The following WHRN variants were observed in gnomAD, a reference collection of about 807,000 sequenced individuals.
WHRN encodes the protein CASK-interacting protein CIP98.
In WHRN, 41 loss-of-function variants were observed where a neutral mutation model predicts 68.3. That is an observed-to-expected ratio of 0.60 (90% CI 0.47 to 0.78). The LOEUF (loss-of-function observed/expected upper bound fraction) is 0.78. Ranked by LOEUF, WHRN falls within the 30% of genes least tolerant of loss-of-function variation. The probability of loss-of-function intolerance (pLI) is 0.00; values close to 1 mark genes in which losing one functional copy is unlikely to be tolerated. For missense variants in WHRN, 1,243 were observed against 1,244.7 expected, an observed-to-expected ratio of 1.00 and a Z score of 0.02; for synonymous variants, 560 against 561.3, an observed-to-expected ratio of 1.00 and a Z score of 0.03.
chr9:114,415,503 A>G (rs1197771144), intron 7 of WHRN, among the ~76,000 whole-genome samples: 1 of 151,892 alleles, frequency 6.6e-6, no homozygotes, highest in Non-Finnish European at 1.5e-5. Flanking sequence ...CAGCTGTCTC[A>G]CCTCATCTAT....
At chr9:114,442,210 G>A (rs555069566) in intron 3 of WHRN, among the ~76,000 whole-genome samples, 1 of 152,326 alleles carries the variant, frequency 6.6e-6, no homozygotes, top group African/African-American at 2.4e-5. Flanking sequence ...TCCTGGGTTG[G>A]CTCCTGGACT....
In WHRN at chr9:114,457,809, G is replaced by A. The variant is rs530773084; in HGVS notation, c.963+8458C>T. On this transcript the variant is annotated intron_variant, in intron 3 of 11. Transcript: ENST00000362057. Reference sequence around the variant, plus strand: ...CAGGCACCAGTAATCCCAGCTACTCGGGAGGCTGAGGCAGGAGGATCGCTT... The same window carrying A: ...CAGGCACCAGTAATCCCAGCTACTCAGGAGGCTGAGGCAGGAGGATCGCTT... Among the ~76,000 whole-genome samples the A allele has an allele frequency of 3.3e-5, 5 of 151,880 alleles. No homozygotes were observed. The East Asian group carries it at 9.7e-4, about 29-fold the overall frequency.
At chr9:114,464,302 G>A (rs1460410148) in intron 3 of WHRN, among the ~76,000 whole-genome samples, 2 of 152,194 alleles carry the variant, frequency 1.3e-5, no homozygotes, top group Non-Finnish European at 2.9e-5. Context: ...AATCTGGGCT[G>A]CTATAACAAA....
chr9:114,494,768 T>A (rs1276254138), intron 1 of WHRN, among the ~76,000 whole-genome samples: 2 of 152,234 alleles, frequency 1.3e-5, no homozygotes, highest in Non-Finnish European at 2.9e-5. Flanking sequence ...AGGGTGATTA[T>A]GAGGCTTAAC....
chr9:114,457,644 G>A (rs1305963841), intron 3 of WHRN, among the ~76,000 whole-genome samples: 3 of 152,156 alleles, frequency 2.0e-5, no homozygotes, highest in Non-Finnish European at 4.4e-5. Flanking sequence ...GGCCAGGCGC[G>A]GGGGCTCACG....
chr9:114,502,979 T>G (rs1171117931), intron 1 of WHRN: 1 of 256,730 alleles, frequency 3.9e-6, no homozygotes, highest in Non-Finnish European at 6.1e-6. Context: ...CCGATCGGCC[T>G]TTTTCCAGAA....
chr9:114,459,946 C>T lies in WHRN; in HGVS notation c.963+6321G>A, dbSNP rs1233705576. Among the ~76,000 whole-genome samples the T allele has an allele frequency of 3.9e-5, 6 of 152,170 alleles. 1 individual carries two copies. Among genetic ancestry groups the T allele is most frequent in the African/African-American group, 7.2e-5 (3 of 41,424 alleles). The stretch of plus-strand genomic sequence containing the variant: ...GGTGGGGCTGGGAGGCTACCATAGC[C>T]ACAAGCATAGTAGTGACCCCAAGAT... On this transcript the variant is annotated intron_variant, in intron 3 of 11. Coordinates refer to ENST00000362057, the MANE Select transcript of WHRN (RefSeq NM_015404.4).
Position 114,504,330 on chromosome 9 carries a change from C to T in WHRN, c.472G>A (p.Gly158Arg). ...ATGCCCACGCCGTGCTCCGAGCCCCCACGGATGCTGAAGCCCAAGCCCTCG... is the reference window on the plus strand; with the variant it reads ...ATGCCCACGCCGTGCTCCGAGCCCCTACGGATGCTGAAGCCCAAGCCCTCG... ...AHEGLGFSIR[G>R]GSEHGVGIYV... The change falls in exon 1 of 12, where the codon GGG becomes AGG. Residue 158 changes from glycine (G) to arginine (R), a missense_variant. By Grantham distance (125) the Gly-to-Arg change is moderately radical. Coordinates refer to ENST00000362057, the MANE Select transcript of WHRN (RefSeq NM_015404.4). The T allele has an allele frequency of 6.2e-7, 1 of 1,610,908 alleles. No homozygotes were observed. The highest frequency in any genetic ancestry group is 8.5e-7 in the Non-Finnish European group (1 of 1,180,026).
At chr9:114,435,105 G>C (rs866517693) in intron 3 of WHRN, among the ~76,000 whole-genome samples, 2 of 152,102 alleles carry the variant, frequency 1.3e-5, no homozygotes, top group African/African-American at 4.8e-5. Flanking sequence ...GCCTTCTCCA[G>C]CTCCAAGGCA....
Position 114,403,868 on chromosome 9 carries a change from C to T in WHRN, c.2418+28G>A, listed in dbSNP as rs552455455. 9 of 1,608,574 alleles carry T rather than the reference C, an allele frequency of 5.6e-6. No individual in the cohort carries two copies. In the South Asian group the frequency reaches 7.7e-5, roughly 14 times the overall value. Reference sequence around the variant, plus strand: ...GCCTGGGGCCCGTGTTCCTCTCAGCCCTCTGCATCCTCCTCCTCCTGGCTC... The same window carrying T: ...GCCTGGGGCCCGTGTTCCTCTCAGCTCTCTGCATCCTCCTCCTCCTGGCTC... On this transcript the variant is annotated intron_variant, in intron 10 of 11. Coordinates refer to ENST00000362057, the MANE Select transcript of WHRN (RefSeq NM_015404.4).
At chr9:114,476,447 C>T (rs562624506) in intron 2 of WHRN, among the ~76,000 whole-genome samples, 1 of 152,160 alleles carries the variant, frequency 6.6e-6, no homozygotes, top group East Asian at 1.9e-4. Flanking sequence ...TTCTCCCTCT[C>T]TAGGTCTCAG....
intron 3 of WHRN, among the ~76,000 whole-genome samples, chr9:114,446,567 C>T (rs540813019): frequency 3.2e-4 from 48 of 152,070 alleles, no homozygotes; most frequent in Non-Finnish European, 5.7e-4. Context: ...ATGTCTGGGT[C>T]CTTCTACTTT....
intron 3 of WHRN, among the ~76,000 whole-genome samples, chr9:114,452,597 T>G (rs1211763587): frequency 6.6e-6 from 1 of 152,220 alleles, no homozygotes; most frequent in Non-Finnish European, 1.5e-5. Flanking sequence ...GTTTGAGAAG[T>G]GTGAGTGGTT....
At chr9:114,486,885 A>T (rs1337356649) in intron 1 of WHRN, among the ~76,000 whole-genome samples, 114 of 73,696 alleles carry the variant, frequency 1.5e-3, no homozygotes, top group African/African-American at 5.0e-3. Flanking sequence ...TGATTAAATT[A>T]GTGTGTGTGT....
chr9:114,484,972 G>A (rs891294533), intron 1 of WHRN, among the ~76,000 whole-genome samples: 9 of 152,130 alleles, frequency 5.9e-5, no homozygotes, highest in East Asian at 1.9e-4. Context: ...CATGGCAGAC[G>A]CACACATGCT....
chr9:114,480,592 G>A (rs1842026524), intron 1 of WHRN, among the ~76,000 whole-genome samples: 1 of 152,170 alleles, frequency 6.6e-6, no homozygotes, highest in Non-Finnish European at 1.5e-5. Context: ...CCTGATCTCA[G>A]ACTTCTGGAC....
rs779467474 is a variant in WHRN, at chr9:114,466,276, G to C, written c.954C>G (p.Ser318Arg). 3 of 1,613,844 alleles carry C rather than the reference G, an allele frequency of 1.9e-6. No individual in the cohort carries two copies. The highest frequency in any genetic ancestry group is 2.5e-6 in the Non-Finnish European group (3 of 1,179,998). The change falls in exon 3 of 12, where the codon AGC (serine) becomes AGG (arginine). Residue 318 changes from serine (S) to arginine (R), a missense_variant. Coordinates refer to ENST00000362057, the MANE Select transcript of WHRN (RefSeq NM_015404.4). ...TCAGGCCCTCCCTCACCTTGAGCCC[G>C]CTGCCTTCTGCTTCAGAGCCTGGGT... The part of the protein sequence containing the change: ...GVDPGSEAEG[S>R]GLKVGDQILE...
chr9:114,486,063 T>C (rs1193262723), intron 1 of WHRN, among the ~76,000 whole-genome samples: 1 of 152,134 alleles, frequency 6.6e-6, no homozygotes, highest in African/African-American at 2.4e-5. Flanking sequence ...TAAGAAACTG[T>C]AAACTGCGTA....
chr9:114,446,524 C>T (rs779886437), intron 3 of WHRN, among the ~76,000 whole-genome samples: 4 of 152,118 alleles, frequency 2.6e-5, no homozygotes, highest in East Asian at 1.9e-4. Flanking sequence ...AAAAAACAAA[C>T]GATGGTAATA....
Sources: allele counts gnomAD v4.1 joint callset (sites outside exome capture counted in the v4.1 genomes callset), GRCh38; gene constraint gnomAD v4.1.1; transcripts MANE v1.5; gene names NCBI Gene and HGNC (gene_info 2026-07-23, HGNC 2026-07-21).